The following AFG2A variants were observed in gnomAD, a reference collection of about 807,000 sequenced individuals.
AFG2A encodes AAA ATPase AFG2A, also known as ATPase family gene 2 protein homolog A.
At chr4:123,111,618 C>A in the AFG2A span, among the ~76,000 whole-genome samples, 1 of 151,928 alleles carries the variant, frequency 6.6e-6, no homozygotes, top group East Asian at 1.9e-4. Flanking sequence ...ATATAGATAG[C>A]CAGGAAAGAG....
the AFG2A span, among the ~76,000 whole-genome samples, chr4:123,257,211 A>G: frequency 6.6e-6 from 1 of 152,144 alleles, no homozygotes; most frequent in Admixed American, 6.5e-5. Flanking sequence ...TCCCAGATCT[A>G]TTCATTGTTT....
chr4:122,996,888 A>G, the AFG2A span, among the ~76,000 whole-genome samples: 2 of 152,064 alleles, frequency 1.3e-5, no homozygotes, highest in South Asian at 4.1e-4. Flanking sequence ...ACAGGTAAAG[A>G]AGGGTATTCT....
chr4:123,172,988 A>AAAT, the AFG2A span, among the ~76,000 whole-genome samples: 7 of 152,318 alleles, frequency 4.6e-5, no homozygotes, highest in South Asian at 1.2e-3. Context: ...AATGGAAAGT[A>AAAT]AATATGTAAA....
At chr4:123,036,282 G>T in the AFG2A span, among the ~76,000 whole-genome samples, 1 of 152,114 alleles carries the variant, frequency 6.6e-6, no homozygotes. Context: ...TGTGAGAAAT[G>T]AGAAAGAAAA....
At chr4:122,948,334 A>T in the AFG2A span, among the ~76,000 whole-genome samples, 1 of 151,336 alleles carries the variant, frequency 6.6e-6, no homozygotes, top group African/African-American at 2.4e-5. Flanking sequence ...CCTGGAACAA[A>T]TACTCCATAG....
chr4:123,240,777 G>C, the AFG2A span, among the ~76,000 whole-genome samples: 3 of 142,932 alleles, frequency 2.1e-5, no homozygotes, highest in African/African-American at 9.1e-5. Flanking sequence ...AAATAACTAA[G>C]ATCAGAGCAG....
chr4:123,082,087 C>T, the AFG2A span, among the ~76,000 whole-genome samples: 7 of 152,146 alleles, frequency 4.6e-5, no homozygotes, highest in Admixed American at 6.6e-5. Flanking sequence ...CTTGCCTTCT[C>T]ATTTTCTTGA....
chr4:123,029,498 G>A, the AFG2A span, among the ~76,000 whole-genome samples: 1 of 152,258 alleles, frequency 6.6e-6, no homozygotes, highest in Admixed American at 6.5e-5. Flanking sequence ...GTGTGATTAA[G>A]CTGTTTGTTC....
At chr4:123,181,436 A>G in the AFG2A span, among the ~76,000 whole-genome samples, 1 of 151,736 alleles carries the variant, frequency 6.6e-6, no homozygotes, top group East Asian at 1.9e-4. Context: ...ACATGGCAAA[A>G]CCCTGTTTCT....
the AFG2A span, among the ~76,000 whole-genome samples, chr4:123,282,204 A>T: frequency 6.6e-6 from 1 of 152,172 alleles, no homozygotes; most frequent in Non-Finnish European, 1.5e-5. Flanking sequence ...AGTCTATTTT[A>T]AAAATTAAAC....
At chr4:123,291,894 T>C in the AFG2A span, among the ~76,000 whole-genome samples, 2 of 152,206 alleles carry the variant, frequency 1.3e-5, no homozygotes, top group African/African-American at 4.8e-5. Flanking sequence ...TTTGAGCTTC[T>C]TGTATTTGGA....
chr4:123,020,377 T>C, the AFG2A span, among the ~76,000 whole-genome samples: 1 of 151,928 alleles, frequency 6.6e-6, no homozygotes, highest in Non-Finnish European at 1.5e-5. Context: ...TGGTTTTTTT[T>C]TTTTTTCTGA....
At chr4:123,000,218 GT>G in the AFG2A span, among the ~76,000 whole-genome samples, 3 of 150,250 alleles carry the variant, frequency 2.0e-5, no homozygotes, top group Non-Finnish European at 4.4e-5. Flanking sequence ...AGACAGTGGG[GT>G]TTTCTAGATA....
chr4:123,158,666 G>GA, the AFG2A span, among the ~76,000 whole-genome samples: 4 of 151,662 alleles, frequency 2.6e-5, no homozygotes, highest in African/African-American at 7.3e-5. Flanking sequence ...CTAGTCTATG[G>GA]AAAAAAAATA....
At chr4:122,974,676 T>C in the AFG2A span, among the ~76,000 whole-genome samples, 105 of 152,316 alleles carry the variant, frequency 6.9e-4, no homozygotes, top group Non-Finnish European at 1.4e-3. Context: ...GTTTTGCTAT[T>C]ATTGCCCAGG....
chr4:123,261,078 G>A, the AFG2A span, among the ~76,000 whole-genome samples: 1 of 152,044 alleles, frequency 6.6e-6, no homozygotes, highest in Non-Finnish European at 1.5e-5. Flanking sequence ...GTTTCATTCC[G>A]AAACCATCCC....
At chr4:123,239,569 C>A in the AFG2A span, among the ~76,000 whole-genome samples, 2 of 152,196 alleles carry the variant, frequency 1.3e-5, no homozygotes, top group Non-Finnish European at 2.9e-5. Flanking sequence ...ATTTGATATC[C>A]AGCCAAACTA....
chr4:123,018,630 T>G, the AFG2A span, among the ~76,000 whole-genome samples: 1 of 151,952 alleles, frequency 6.6e-6, no homozygotes, highest in Non-Finnish European at 1.5e-5. Context: ...CTCTTCTGTG[T>G]AATAATAAGC....
chr4:123,174,883 T>G, the AFG2A span, among the ~76,000 whole-genome samples: 1 of 151,864 alleles, frequency 6.6e-6, no homozygotes, highest in African/African-American at 2.4e-5. Context: ...CAGGTTGGAG[T>G]GCAGTGGCAC....
Sources: gnomAD v4.1 joint callset for allele counts (sites outside exome capture counted in the v4.1 genomes callset) on GRCh38, gnomAD v4.1.1 for gene constraint, MANE v1.5 for transcripts, NCBI Gene and HGNC (gene_info 2026-07-23, HGNC 2026-07-21) for gene names.